Variants in SGCZ observed in about 807,000 individuals in gnomAD.
SGCZ encodes zeta-sarcoglycan.
A neutral mutation model predicts 41.3 loss-of-function variants in SGCZ; 40 were observed. The ratio of observed to expected loss-of-function variants is 0.97; its 90% confidence interval spans 0.75 to 1.26. The LOEUF (loss-of-function observed/expected upper bound fraction) is 1.26, where lower values mean the gene tolerates loss of function less well. Among genes scored for constraint, SGCZ ranks in the 50% most tolerant of loss-of-function variants. The pLI, the probability that SGCZ is intolerant of heterozygous loss-of-function variation, is 0.00. For missense variants in SGCZ, 552 were observed against 369.8 expected, an observed-to-expected ratio of 1.49 and a Z score of -4.04; for synonymous variants, 206 against 137.5, an observed-to-expected ratio of 1.50 and a Z score of -3.49.
chr8:14,998,851 T>C (rs1026723145), intron 1 of SGCZ, among the ~76,000 whole-genome samples: 15 of 152,212 alleles, frequency 9.9e-5, no homozygotes, highest in African/African-American at 3.6e-4. Context: ...ATTATAAATG[T>C]CTCTATATCA....
chr8:14,675,538 T>A (rs1023496350), intron 1 of SGCZ, among the ~76,000 whole-genome samples: 1 of 152,152 alleles, frequency 6.6e-6, no homozygotes, highest in Admixed American at 6.5e-5. Context: ...TACCATTGTA[T>A]ATATAGATTC....
intron 1 of SGCZ, among the ~76,000 whole-genome samples, chr8:14,685,240 T>C (rs1808574620): frequency 1.3e-5 from 2 of 152,116 alleles, no homozygotes. Context: ...ATAGTAAAGG[T>C]ATATGAATAA....
intron 1 of SGCZ, among the ~76,000 whole-genome samples, chr8:14,671,967 C>T (rs4144410): frequency 0.54 from 82,709 of 151,794 alleles, 24,064 homozygotes; most frequent in East Asian, 0.74. Context: ...ACATCATTTT[C>T]GAAACTGAAG....
intron 1 of SGCZ, among the ~76,000 whole-genome samples, chr8:14,707,466 C>G (rs2117614783): frequency 6.6e-6 from 1 of 152,094 alleles, no homozygotes; most frequent in East Asian, 1.9e-4. Flanking sequence ...TTCAAATTTC[C>G]CATTTCAGCT....
chr8:14,693,261 T>C (rs1239760655), intron 1 of SGCZ, among the ~76,000 whole-genome samples: 1 of 151,482 alleles, frequency 6.6e-6, no homozygotes, highest in East Asian at 1.9e-4. Context: ...TCAATAATTT[T>C]ACTTTCATTT....
At chr8:15,144,359 T>C (rs1277206651) in intron 1 of SGCZ, among the ~76,000 whole-genome samples, 1 of 152,232 alleles carries the variant, frequency 6.6e-6, no homozygotes, top group Admixed American at 6.5e-5. Flanking sequence ...GGTTGACCTA[T>C]TATTGTTGCA....
Position 14,731,310 on chromosome 8 carries a change from C to T in SGCZ, c.40-176384G>A, listed in dbSNP as rs1219871908. Among the ~76,000 whole-genome samples the T allele has an allele frequency of 2.7e-5, 4 of 148,378 alleles. 1 individual carries two copies. Among genetic ancestry groups the T allele is most frequent in the African/African-American group, 5.1e-5 (2 of 39,538 alleles). The stretch of plus-strand genomic sequence containing the variant: ...ACAGAAAACCAAACACCACATGTTC[C>T]CACTCATAAGTGGGAGTTGAACAAT... On this transcript the variant is annotated intron_variant, in intron 1 of 7. Transcript: ENST00000382080.
chr8:14,551,527 A>G lies in SGCZ; in HGVS notation c.234+3205T>C, dbSNP rs1019355010. Reference sequence around the variant, plus strand: ...ATATATTATATATATTATATATAATATATATAATATATATAATATATATAA... The same window carrying G: ...ATATATTATATATATTATATATAATGTATATAATATATATAATATATATAA... On this transcript the variant is annotated intron_variant, in intron 2 of 7. Transcript: ENST00000382080. Among the ~76,000 whole-genome samples the G allele has an allele frequency of 5.5e-4, 2 of 3,658 alleles. 1 individual carries two copies. Among genetic ancestry groups the G allele is most frequent in the African/African-American group, 1.8e-3 (2 of 1,116 alleles). 2.4% of individuals were successfully genotyped at this position (3,658 alleles called of 152,430 possible).
chr8:15,073,641 G>C (rs887133387), intron 1 of SGCZ, among the ~76,000 whole-genome samples: 3 of 152,090 alleles, frequency 2.0e-5, no homozygotes, highest in African/African-American at 7.2e-5. Context: ...TGAAGGCTAA[G>C]GTAAGGACTG....
At chr8:14,993,560 G>A (rs1057266404) in intron 1 of SGCZ, among the ~76,000 whole-genome samples, 1 of 152,250 alleles carries the variant, frequency 6.6e-6, no homozygotes, top group Admixed American at 6.5e-5. Flanking sequence ...CTGAAAGAGG[G>A]ATACATACTC....
chr8:14,391,370 C>T (rs992804694), intron 2 of SGCZ, among the ~76,000 whole-genome samples: 1 of 151,912 alleles, frequency 6.6e-6, no homozygotes, highest in Non-Finnish European at 1.5e-5. Context: ...AGAAAAAATT[C>T]ATGCATAAAG....
chr8:15,014,224 C>G (rs1205482088), intron 1 of SGCZ, among the ~76,000 whole-genome samples: 1 of 152,082 alleles, frequency 6.6e-6, no homozygotes, highest in Non-Finnish European at 1.5e-5. Context: ...TGGAATGACG[C>G]TGTCAAAAAA....
chr8:15,228,865 T>C (rs1194157747), intron 1 of SGCZ, among the ~76,000 whole-genome samples: 1 of 152,246 alleles, frequency 6.6e-6, no homozygotes, highest in Non-Finnish European at 1.5e-5. Context: ...ACAGCACAGT[T>C]AAGCTTTATA....
chr8:14,442,257 C>G (rs1051539324), intron 2 of SGCZ, among the ~76,000 whole-genome samples: 1 of 152,180 alleles, frequency 6.6e-6, no homozygotes, highest in South Asian at 2.1e-4. Flanking sequence ...CGGTCTTGCC[C>G]GTGATATTCT....
chr8:14,251,407 G>A (rs934425493), intron 3 of SGCZ, among the ~76,000 whole-genome samples: 1 of 152,102 alleles, frequency 6.6e-6, no homozygotes, highest in African/African-American at 2.4e-5. Flanking sequence ...ATTATGCTTT[G>A]TGGGCTATGC....
chr8:14,190,990 A>G (rs1805084446), intron 4 of SGCZ, among the ~76,000 whole-genome samples: 1 of 152,192 alleles, frequency 6.6e-6, no homozygotes, highest in African/African-American at 2.4e-5. Flanking sequence ...CCTTTTCGTC[A>G]CATCCTCGTC....
In SGCZ at chr8:15,237,955, A is replaced by G. The variant is rs549299212; in HGVS notation, c.-332T>C. 4.3e-5 allele frequency: 11 copies of G among 253,746 alleles called. No homozygotes were observed. In the South Asian group the frequency reaches 8.6e-4, roughly 20 times the overall value. The allele number at this position is 253,746 out of a possible 1,614,324, so 15.7% of individuals were successfully genotyped here. ...TATTTAAGATTATTTCTTCTTCTGCAATAAGCTTAGAACCCAGCGAATTGC... is the reference window on the plus strand; with the variant it reads ...TATTTAAGATTATTTCTTCTTCTGCGATAAGCTTAGAACCCAGCGAATTGC... On this transcript the variant is annotated 5_prime_UTR_variant, in exon 1 of 8. Coordinates refer to ENST00000382080, the MANE Select transcript of SGCZ (RefSeq NM_139167.4).
intron 2 of SGCZ, among the ~76,000 whole-genome samples, chr8:14,442,660 C>T (rs1173100224): frequency 2.6e-5 from 4 of 152,056 alleles, no homozygotes; most frequent in Admixed American, 1.3e-4. Context: ...TTAATCCAAC[C>T]CAGTGATCTC....
intron 2 of SGCZ, among the ~76,000 whole-genome samples, chr8:14,432,877 G>C (rs1316595232): frequency 7.4e-6 from 1 of 135,040 alleles, no homozygotes; most frequent in African/African-American, 3.0e-5. Flanking sequence ...TCGTGCTACT[G>C]CACTCCAGCC....
Sources: gnomAD v4.1 joint callset for allele counts (sites outside exome capture counted in the v4.1 genomes callset) on GRCh38, gnomAD v4.1.1 for gene constraint, MANE v1.5 for transcripts, NCBI Gene and HGNC (gene_info 2026-07-23, HGNC 2026-07-21) for gene names.